The following FNIP1 variants were observed in gnomAD, a reference collection of about 807,000 sequenced individuals.
The protein encoded by FNIP1 is folliculin-interacting protein 1.
FNIP1 carries 40 observed loss-of-function variants against 124.5 expected under a neutral mutation model. The ratio of observed to expected loss-of-function variants is 0.32; its 90% CI spans 0.25 to 0.42. FNIP1 has a LOEUF of 0.42. Among genes scored for constraint, FNIP1 ranks in the 10% least tolerant of loss-of-function variants. The pLI is 1.00. For missense variants in FNIP1, 1,176 were observed against 1,403.7 expected (o/e 0.84, Z 2.59); for synonymous variants, 472 against 470.6 (o/e 1.00, Z -0.04).
intron 15 of FNIP1, 100 bp from the exon 16 acceptor site, chr5:131,652,099 A>G: frequency 9.3e-7 from 1 of 1,074,792 alleles, no homozygotes; most frequent in East Asian, 2.5e-5. Flanking sequence ...AACAGAAAAA[A>G]AAATTAAACT....
intron 15 of FNIP1, among the ~76,000 whole-genome samples, chr5:131,666,833 C>T (rs1054031759): frequency 5.3e-5 from 8 of 152,128 alleles, no homozygotes; most frequent in East Asian, 1.9e-4. Flanking sequence ...TGTTTTCCAA[C>T]GCCAGGCTTT....
chr5:131,666,400 T>C (rs563267303), intron 15 of FNIP1, among the ~76,000 whole-genome samples: 4 of 152,214 alleles, frequency 2.6e-5, no homozygotes, highest in Admixed American at 1.3e-4. Flanking sequence ...GAAAGACAAA[T>C]AGCTCCTTCC....
At chr5:131,771,849 G>A (rs1351287037) in intron 1 of FNIP1, among the ~76,000 whole-genome samples, 1 of 151,996 alleles carries the variant, frequency 6.6e-6, no homozygotes, top group African/African-American at 2.4e-5. Context: ...ACAGTCCTAA[G>A]CACAGCCTCT....
At chr5:131,717,493 T>TC (rs1769509739) in intron 5 of FNIP1, among the ~76,000 whole-genome samples, 1 of 152,118 alleles carries the variant, frequency 6.6e-6, no homozygotes, top group African/African-American at 2.4e-5. Context: ...AAACAAGGTT[T>TC]CCCCTCATAT....
At chr5:131,781,267 T>C (rs925517457) in intron 1 of FNIP1, among the ~76,000 whole-genome samples, 4 of 152,192 alleles carry the variant, frequency 2.6e-5, no homozygotes, top group African/African-American at 9.6e-5. Context: ...AATTACAAGG[T>C]AAAAAGGCAA....
chr5:131,784,960 T>C (rs1469576215), intron 1 of FNIP1, among the ~76,000 whole-genome samples: 1 of 146,658 alleles, frequency 6.8e-6, no homozygotes, highest in African/African-American at 2.5e-5. Context: ...CTATCATAAG[T>C]AAATTTCTTA....
intron 1 of FNIP1, among the ~76,000 whole-genome samples, chr5:131,765,758 A>G (rs768943062): frequency 6.6e-6 from 1 of 152,206 alleles, no homozygotes; most frequent in Admixed American, 6.5e-5. Flanking sequence ...TCTGTATTTC[A>G]GCAGAATTTC....
chr5:131,680,330 A>G (rs2149518958), intron 11 of FNIP1, among the ~76,000 whole-genome samples: 1 of 152,358 alleles, frequency 6.6e-6, no homozygotes, highest in East Asian at 1.9e-4. Flanking sequence ...AACAATATAA[A>G]CATGATGTAT....
chr5:131,792,213 T>C (rs546790680), intron 1 of FNIP1, among the ~76,000 whole-genome samples: 1 of 148,092 alleles, frequency 6.8e-6, no homozygotes, highest in East Asian at 2.0e-4. Context: ...CAGGGTGGAG[T>C]GCAATGGCGC....
In FNIP1 at chr5:131,671,669, A is replaced by C; in HGVS notation, c.2775T>G (p.Ile925Met). 6.2e-7 allele frequency: 1 copy of C among 1,614,124 alleles called. No individual in the cohort carries two copies. Among genetic ancestry groups the C allele is most frequent in the Non-Finnish European group, 8.5e-7 (1 of 1,180,010 alleles). Residue 925 changes from isoleucine (I) to methionine (M), a missense_variant, in exon 14 of 18, where the codon ATT (isoleucine) becomes ATG (methionine). Coordinates refer to ENST00000510461, the MANE Select transcript of FNIP1 (RefSeq NM_133372.3). ...GAATGTCCCATTCAGTTCCTACAGC[A>C]ATTTTTTTATCTGAACTCTCTTTAT... ...HGDKESSDKK[I>M]AVGTEWDIPR...
chr5:131,717,294 A>C (rs251011), intron 5 of FNIP1, among the ~76,000 whole-genome samples: 1 of 151,838 alleles, frequency 6.6e-6, no homozygotes, highest in Non-Finnish European at 1.5e-5. Flanking sequence ...AGCTTCATCC[A>C]TGTCCCTACA....
intron 11 of FNIP1, 61 bp from the exon 12 acceptor site, chr5:131,679,236 A>G: frequency 2.0e-6 from 2 of 1,002,488 alleles, no homozygotes; most frequent in Non-Finnish European, 3.1e-6. Context: ...CTCTTAAAAT[A>G]ATTTTAAGTT....
intron 1 of FNIP1, among the ~76,000 whole-genome samples, chr5:131,784,166 G>A (rs1772086817): frequency 2.0e-5 from 3 of 152,116 alleles, no homozygotes; most frequent in African/African-American, 4.8e-5. Flanking sequence ...ATATCCAGGA[G>A]GAAACAATAT....
intron 15 of FNIP1, among the ~76,000 whole-genome samples, chr5:131,654,036 A>C (rs1313750247): frequency 6.6e-6 from 1 of 152,258 alleles, no homozygotes; most frequent in Non-Finnish European, 1.5e-5. Flanking sequence ...CACTGCACCC[A>C]GCCCTTATTG....
Position 131,721,084 on chromosome 5 carries a change from G to A in FNIP1, c.355-1667C>T, listed in dbSNP as rs1291669. ...CCAAGATGTGAAAATAACCCTAAAT[G>A]TCCACTGACAGATGCATGGATAAAT... On this transcript the variant is annotated intron_variant, in intron 3 of 17. Transcript: ENST00000510461. 4.4e-3 allele frequency among the ~76,000 whole-genome samples: 671 copies of A among 152,230 alleles called. 5 individuals carry two copies. The highest frequency in any genetic ancestry group is 6.8e-3 in the Middle Eastern group (2 of 294).
At chr5:131,738,292 TCTA>T (rs1370553243) in intron 2 of FNIP1, among the ~76,000 whole-genome samples, 1 of 152,226 alleles carries the variant, frequency 6.6e-6, no homozygotes, top group Non-Finnish European at 1.5e-5. Context: ...CACTCAATTA[TCTA>T]CTGAGTGGTT....
At position 131,671,536 on chromosome 5, in the gene FNIP1, A is replaced by T. The variant is rs781164752; in HGVS notation, c.2908T>A (p.Trp970Arg). The T allele has an allele frequency of 6.2e-7, 1 of 1,612,012 alleles. No individual in the cohort carries two copies. The highest frequency in any genetic ancestry group is 8.5e-7 in the Non-Finnish European group (1 of 1,179,886). The stretch of plus-strand genomic sequence containing the variant: ...AAAGGTATCTCATCCTCTTCTGCCC[A>T]ATCTTCTTGCTCTCCTCCATAATAA... ...SSYYGGEQED[W>R]AEEDEIPFPG... Residue 970 changes from tryptophan to arginine, a missense_variant, in exon 14 of 18, where the codon TGG becomes AGG. Physicochemically the swap from Trp to Arg is moderately radical, Grantham distance 101. Transcript: ENST00000510461.
intron 11 of FNIP1, among the ~76,000 whole-genome samples, chr5:131,679,681 G>A (rs1470214403): frequency 1.3e-5 from 2 of 152,172 alleles, no homozygotes; most frequent in African/African-American, 4.8e-5. Flanking sequence ...AGCGAGAACA[G>A]TATACATACA....
intron 15 of FNIP1, among the ~76,000 whole-genome samples, chr5:131,659,633 G>T (rs556775597): frequency 5.3e-4 from 81 of 152,344 alleles, no homozygotes; most frequent in African/African-American, 1.7e-3. Flanking sequence ...GATGGGCACT[G>T]TGTGGGTGAC....
Sources: allele counts gnomAD v4.1 joint callset (sites outside exome capture counted in the v4.1 genomes callset), GRCh38; gene constraint gnomAD v4.1.1; transcripts MANE v1.5; gene names NCBI Gene and HGNC (gene_info 2026-07-23, HGNC 2026-07-21).